Variants in TAX1BP1 observed in about 807,000 individuals in gnomAD.
The protein encoded by TAX1BP1 is Tax1 binding protein 1, also known as tax1-binding protein 1.
In TAX1BP1, 62 loss-of-function variants were observed where a neutral mutation model predicts 97.7. The ratio of observed to expected loss-of-function variants is 0.63; its 90% CI spans 0.52 to 0.78. The LOEUF is 0.78. Among genes scored for constraint, TAX1BP1 ranks in the 30% least tolerant of loss-of-function variants. The probability of loss-of-function intolerance (pLI) is 0.00; values close to 1 mark genes in which losing one functional copy is unlikely to be tolerated. For synonymous variants in TAX1BP1, 340 were observed against 304.2 expected, an observed-to-expected ratio of 1.12 and a Z score of -1.23; for missense variants, 867 against 916.1, an observed-to-expected ratio of 0.95 and a Z score of 0.69.
chr7:27,806,380 G>GTT (rs550558399), intron 13 of TAX1BP1, among the ~76,000 whole-genome samples: 12 of 143,188 alleles, frequency 8.4e-5, no homozygotes, highest in South Asian at 2.2e-4. Context: ...GCCACCATCA[G>GTT]TTTTTTTTTT....
At chr7:27,778,691 C>T (rs191761341) in intron 5 of TAX1BP1, among the ~76,000 whole-genome samples, 5 of 152,016 alleles carry the variant, frequency 3.3e-5, no homozygotes, top group Non-Finnish European at 4.4e-5. Context: ...GGTGAAACCT[C>T]GTCTCTACTA....
intron 2 of TAX1BP1, among the ~76,000 whole-genome samples, chr7:27,754,562 TTTTTG>T (rs1183081267): frequency 6.6e-6 from 1 of 151,620 alleles, no homozygotes; most frequent in South Asian, 2.1e-4. Context: ...CTTTCAGTCT[TTTTTG>T]TTTTTTGTTT....
chr7:27,801,647 G>A (rs2128320601), intron 13 of TAX1BP1, among the ~76,000 whole-genome samples: 1 of 152,256 alleles, frequency 6.6e-6, no homozygotes, highest in East Asian at 1.9e-4. Context: ...TGTAATGGTA[G>A]TATGCACAAA....
upstream of TAX1BP1, chr7:27,740,040 G>A (rs1327704405): frequency 6.6e-6 from 1 of 152,258 alleles, no homozygotes; most frequent in Non-Finnish European, 1.5e-5. Flanking sequence ...GTCCCGCGGC[G>A]GAGTGGGCTG....
At chr7:27,810,183 A>T (rs1790501830) in intron 13 of TAX1BP1, among the ~76,000 whole-genome samples, 2 of 151,304 alleles carry the variant, frequency 1.3e-5, no homozygotes, top group South Asian at 4.2e-4. Context: ...CTGGGATTAC[A>T]GGCGTGAGCC....
intron 5 of TAX1BP1, among the ~76,000 whole-genome samples, chr7:27,775,295 A>C (rs1162324796): frequency 6.6e-6 from 1 of 152,210 alleles, no homozygotes; most frequent in Non-Finnish European, 1.5e-5. Flanking sequence ...TTAGTCATTG[A>C]AATGGTTTTC....
rs1436327346 is a variant in TAX1BP1, at chr7:27,792,731, G to T, written c.1264-335G>T. On this transcript the variant is annotated intron_variant, in intron 9 of 16. Coordinates refer to ENST00000396319, the MANE Select transcript of TAX1BP1 (RefSeq NM_006024.7). ...AACCTCAGCACTTTGGGGGGCTGAG[G>T]TGGGAAGATCGCTTGATCCCAGGAA... is the stretch of plus-strand genomic sequence containing the variant. 2.0e-5 allele frequency among the ~76,000 whole-genome samples: 3 copies of T among 152,104 alleles called. No homozygotes were observed. The East Asian group carries it at 5.8e-4, about 29-fold the overall frequency.
intron 13 of TAX1BP1, among the ~76,000 whole-genome samples, chr7:27,801,130 GA>G (rs11465183): frequency 2.0e-4 from 26 of 132,366 alleles, no homozygotes; most frequent in Non-Finnish European, 2.7e-4. Flanking sequence ...GAATGTTAGA[GA>G]AAAAAAAAAA....
chr7:27,742,780 A>AT (rs1222791247), intron 1 of TAX1BP1, among the ~76,000 whole-genome samples: 1 of 152,136 alleles, frequency 6.6e-6, no homozygotes, highest in Non-Finnish European at 1.5e-5. Flanking sequence ...ACGTTCTTAA[A>AT]TTGTAGACCG....
At chr7:27,768,412 A>T (rs1788721498) in intron 4 of TAX1BP1, among the ~76,000 whole-genome samples, 1 of 152,040 alleles carries the variant, frequency 6.6e-6, no homozygotes, top group Non-Finnish European at 1.5e-5. Flanking sequence ...TCTAATTTGA[A>T]TTCTTCTAAA....
At chr7:27,771,743 A>T (rs1788857009) in intron 5 of TAX1BP1, among the ~76,000 whole-genome samples, 1 of 151,988 alleles carries the variant, frequency 6.6e-6, no homozygotes, top group South Asian at 2.1e-4. Flanking sequence ...CTTGGAGGAG[A>T]CTGCTTCTCT....
chr7:27,782,544 C>T (rs887290180), intron 5 of TAX1BP1, among the ~76,000 whole-genome samples: 5 of 152,054 alleles, frequency 3.3e-5, no homozygotes, highest in Middle Eastern at 3.2e-3. Context: ...GCTGCCACAC[C>T]GGCCAAATAT....
At position 27,769,659 on chromosome 7, in the gene TAX1BP1, A is replaced by T; in HGVS notation, c.454-17A>T. Reference sequence around the variant, plus strand: ...ATTAAGCAAAAAACTAATTAATCTGAGTTTTTTGCTTTATAGTTGAAAATT... The same window carrying T: ...ATTAAGCAAAAAACTAATTAATCTGTGTTTTTTGCTTTATAGTTGAAAATT... On this transcript the variant is annotated splice_polypyrimidine_tract_variant and intron_variant, in intron 4 of 16. Transcript: ENST00000396319. 1 of 1,576,484 alleles carries T rather than the reference A, an allele frequency of 6.3e-7. No individual in the cohort carries two copies. Among genetic ancestry groups the T allele is most frequent in the Non-Finnish European group, 8.6e-7 (1 of 1,163,904 alleles).
In TAX1BP1 at chr7:27,794,544, A is replaced by T. The variant is rs528170501; in HGVS notation, c.1534+98A>T. On this transcript the variant is annotated intron_variant, in intron 11 of 16. Coordinates refer to ENST00000396319, the MANE Select transcript of TAX1BP1 (RefSeq NM_006024.7). ...TTAGAATTTCAGGATGTTCATAAAA[A>T]TTTTCATGTGATAAGTGAAGGAATT... 799 of 1,335,610 alleles carry T rather than the reference A, an allele frequency of 6.0e-4. 8 individuals are homozygous for T. The South Asian group carries it at 6.6e-3, about 11-fold the overall frequency. The allele number at this position is 1,335,610 out of a possible 1,614,324, so 82.7% of individuals were successfully genotyped here.
chr7:27,776,922 A>G (rs2128313997), intron 5 of TAX1BP1, among the ~76,000 whole-genome samples: 1 of 151,754 alleles, frequency 6.6e-6, no homozygotes, highest in East Asian at 1.9e-4. Context: ...TTAATCTGCC[A>G]TTAGTCCCAT....
At chr7:27,822,809 TTA>T (rs1325827677) in intron 15 of TAX1BP1, among the ~76,000 whole-genome samples, 4 of 152,204 alleles carry the variant, frequency 2.6e-5, no homozygotes, top group Non-Finnish European at 5.9e-5. Flanking sequence ...GAAGCTGAAT[TTA>T]TGTTATTTTG....
chr7:27,765,193 T>G, intron 3 of TAX1BP1, among the ~76,000 whole-genome samples: 1 of 149,642 alleles, frequency 6.7e-6, no homozygotes. Flanking sequence ...TTTTTGTATT[T>G]TTTGTAGTGA....
intron 2 of TAX1BP1, 130 bp from the exon 3 acceptor site, chr7:27,757,901 A>G (rs1788283906): frequency 5.9e-6 from 3 of 511,798 alleles, no homozygotes; most frequent in Non-Finnish European, 1.0e-5. Flanking sequence ...GCTTGTTAAA[A>G]TACTCATGAT....
chr7:27,816,552 T>A, intron 14 of TAX1BP1, 32 bp downstream of exon 14: 8 of 1,496,972 alleles, frequency 5.3e-6, no homozygotes, highest in Non-Finnish European at 6.2e-6. Context: ...TGGGATTAGC[T>A]GCATCTGGAG....
Sources: gnomAD v4.1 joint callset for allele counts (sites outside exome capture counted in the v4.1 genomes callset) on GRCh38, gnomAD v4.1.1 for gene constraint, MANE v1.5 for transcripts, NCBI Gene and HGNC (gene_info 2026-07-23, HGNC 2026-07-21) for gene names.